Variants in DST observed in about 807,000 individuals in gnomAD.
DST encodes the protein bullous pemphigoid antigen.
DST carries 253 observed loss-of-function variants against 875.2 expected under a neutral mutation model. The ratio of observed to expected loss-of-function variants is 0.29; its 90% CI spans 0.26 to 0.32. The LOEUF is 0.32. Among genes scored for constraint, DST ranks in the 10% least tolerant of loss-of-function variants. The probability of loss-of-function intolerance (pLI) is 1.00; values close to 1 mark genes in which losing one functional copy is unlikely to be tolerated. For synonymous variants in DST, 3,124 were observed against 3,197.1 expected (o/e 0.98, Z 0.77); for missense variants, 8,287 against 9,111.6 (o/e 0.91, Z 3.68).
intron 5 of DST, among the ~76,000 whole-genome samples, chr6:56,717,440 A>AAATTCAACT (rs145481088): frequency 0.026 from 3,888 of 152,068 alleles, 167 homozygotes; most frequent in East Asian, 0.2. Flanking sequence ...CCATTCCCCC[A>AAATTCAACT]AATTCAACTA....
chr6:56,577,537 CAG>C (rs1158895974), intron 50 of DST, among the ~76,000 whole-genome samples: 1 of 152,018 alleles, frequency 6.6e-6, no homozygotes, highest in African/African-American at 2.4e-5. Flanking sequence ...TCATTTTTGA[CAG>C]GGGTACATAA....
chr6:56,708,487 A>T (rs2099349975), intron 5 of DST, among the ~76,000 whole-genome samples: 1 of 152,152 alleles, frequency 6.6e-6, no homozygotes, highest in African/African-American at 2.4e-5. Flanking sequence ...TTCCTGTCTC[A>T]GCTGACTATT....
chr6:56,853,823 T>G (rs1766507504), intron 3 of DST, among the ~76,000 whole-genome samples: 1 of 152,086 alleles, frequency 6.6e-6, no homozygotes, highest in Admixed American at 6.5e-5. Context: ...CAGCCTCTAA[T>G]CTGGTAGTGT....
At chr6:56,787,997 G>A (rs2099708508) in intron 4 of DST, among the ~76,000 whole-genome samples, 1 of 151,188 alleles carries the variant, frequency 6.6e-6, no homozygotes, top group South Asian at 2.1e-4. Context: ...GCGGGCACCT[G>A]TAATCCCAGC....
chr6:56,512,924 C>A (rs2096507660), intron 72 of DST, among the ~76,000 whole-genome samples: 1 of 152,150 alleles, frequency 6.6e-6, no homozygotes, highest in Non-Finnish European at 1.5e-5. Flanking sequence ...GCGTCCCAGG[C>A]CAAGTTTTTA....
intron 2 of DST, among the ~76,000 whole-genome samples, chr6:56,951,384 A>G (rs1358065221): frequency 2.6e-5 from 4 of 152,240 alleles, no homozygotes; most frequent in African/African-American, 9.6e-5. Flanking sequence ...AGAAATCAAA[A>G]TATTTTCTTG....
chr6:56,781,924 T>G (rs974215584), intron 4 of DST, among the ~76,000 whole-genome samples: 1 of 152,240 alleles, frequency 6.6e-6, no homozygotes, highest in Admixed American at 6.5e-5. Context: ...TGACAGTTTT[T>G]AGCATGAAGA....
chr6:56,605,720 G>A lies in DST; in HGVS notation c.8908C>T (p.Pro2970Ser). ...KVKLIQGSELPELTDSVKGKD... is the reference protein window; with the variant it reads ...KVKLIQGSELSELTDSVKGKD... ...CCTTTCACAGAATCAGTCAATTCTG[G>A]CAATTCTGACCCTTGAATCAACTTA... The change falls in exon 40 of 104, where the codon CCA becomes TCA. Residue 2970 changes from proline to serine, a missense_variant. Physicochemically the swap from Pro to Ser is moderately conservative, Grantham distance 74 (BLOSUM62 -1). This residue lies in a region of DST where 3,138 missense variants were observed against 3,116.6 expected (regional missense o/e 1.01). Coordinates refer to ENST00000680361, the MANE Select transcript of DST (RefSeq NM_001374736.1). 6.2e-7 allele frequency: 1 copy of A among 1,612,708 alleles called. No homozygotes were observed. The highest frequency in any genetic ancestry group is 8.5e-7 in the Non-Finnish European group (1 of 1,179,296).
chr6:56,851,182 G>C (rs761070595), intron 4 of DST: 36 of 555,610 alleles, frequency 6.5e-5, no homozygotes, highest in Non-Finnish European at 9.9e-5. Flanking sequence ...CGTCCAACCA[G>C]AAGGCAGGGC....
At position 56,794,477 on chromosome 6, in the gene DST, T is replaced by C. The variant is rs116663980; in HGVS notation, c.625+56920A>G. On this transcript the variant is annotated intron_variant, in intron 4 of 103. Coordinates refer to ENST00000680361, the MANE Select transcript of DST (RefSeq NM_001374736.1). ...GGAAAACCCAAGAACAAGTTGTACC[T>C]GACTCAACAGAGAGGTGACCACTAA... is the stretch of plus-strand genomic sequence containing the variant. Among the ~76,000 whole-genome samples the C allele has an allele frequency of 2.5e-3, 385 of 152,278 alleles. 2 individuals carry two copies. The highest frequency in any genetic ancestry group is 9.0e-3 in the African/African-American group (376 of 41,554).
At chr6:56,567,566 A>AG (rs1306008761) in intron 55 of DST, among the ~76,000 whole-genome samples, 5 of 152,116 alleles carry the variant, frequency 3.3e-5, no homozygotes, top group African/African-American at 7.2e-5. Flanking sequence ...TAAAAAAAAA[A>AG]CAACAAAACT....
chr6:56,523,542 C>T (rs146423142), intron 69 of DST, among the ~76,000 whole-genome samples: 17 of 152,138 alleles, frequency 1.1e-4, no homozygotes, highest in Admixed American at 9.2e-4. Flanking sequence ...ATACATTCTG[C>T]GATTGTGGCT....
intron 5 of DST, among the ~76,000 whole-genome samples, chr6:56,731,776 C>G (rs981424049): frequency 1.3e-5 from 2 of 152,146 alleles, no homozygotes; most frequent in Admixed American, 6.5e-5. Flanking sequence ...CTATTACATA[C>G]AGTCATAGAG....
intron 60 of DST, 86 bp from the exon 61 acceptor site, chr6:56,553,741 A>C (rs1401138812): frequency 7.9e-7 from 1 of 1,261,640 alleles, no homozygotes; most frequent in South Asian, 1.4e-5. Flanking sequence ...TCTCTGAATG[A>C]ATATATAGAA....
chr6:56,846,669 A>G (rs1182186976), intron 4 of DST, among the ~76,000 whole-genome samples: 1 of 152,218 alleles, frequency 6.6e-6, no homozygotes, highest in African/African-American at 2.4e-5. Context: ...AGATTTTAAT[A>G]TGATGAAACC....
chr6:56,601,829 A>G (rs1760788802), intron 43 of DST, among the ~76,000 whole-genome samples, 153 bp from the exon 44 acceptor site: 1 of 152,034 alleles, frequency 6.6e-6, no homozygotes, highest in South Asian at 2.1e-4. Context: ...TCTATTTATC[A>G]TCTAGTAATA....
intron 10 of DST, among the ~76,000 whole-genome samples, chr6:56,667,480 A>G (rs546707429): frequency 3.9e-5 from 6 of 152,320 alleles, no homozygotes; most frequent in African/African-American, 1.4e-4. Flanking sequence ...CTAGTGAAAG[A>G]AACCACAATA....
In DST at chr6:56,607,204, G is replaced by T; in HGVS notation, c.7424C>A (p.Thr2475Asn). ...EAPALSFSDKTMLSGQRIGEK... is the reference protein window; with the variant it reads ...EAPALSFSDKNMLSGQRIGEK... ...TCCTATTCTTTGACCTGACAACATG[G>T]TTTTGTCACTGAATGATAAGGCTGG... Residue 2475 changes from threonine (T) to asparagine (N), a missense_variant, in exon 40 of 104, where the codon ACC becomes AAC. Physicochemically the swap from Thr to Asn is moderately conservative, Grantham distance 65. Around this residue, in one of 10 missense-constraint regions of DST, gnomAD observed 3,138 missense variants for 3,116.6 expected, o/e 1.01. Coordinates refer to ENST00000680361, the MANE Select transcript of DST (RefSeq NM_001374736.1). The T allele has an allele frequency of 1.2e-6, 2 of 1,613,330 alleles. No individual in the cohort carries two copies. The highest frequency in any genetic ancestry group is 1.7e-6 in the Non-Finnish European group (2 of 1,179,560).
At chr6:56,819,445 A>C (rs13220628) in intron 4 of DST, among the ~76,000 whole-genome samples, 18,149 of 152,232 alleles carry the variant, frequency 0.12, 1,524 homozygotes, top group Non-Finnish European at 0.18. Context: ...AAGTTTAAGA[A>C]CCTCCATTTT....
Sources: gnomAD v4.1 joint callset for allele counts (sites outside exome capture counted in the v4.1 genomes callset) on GRCh38, gnomAD v4.1.1 for gene constraint, gnomAD v4.1.1 regional missense constraint, MANE v1.5 for transcripts, NCBI Gene and HGNC (gene_info 2026-07-23, HGNC 2026-07-21) for gene names.